The following CDHR1 variants were observed in gnomAD, a reference collection of about 807,000 sequenced individuals.
CDHR1 encodes the protein cadherin related family member 1.
CDHR1 carries 61 observed loss-of-function variants against 72.1 expected under a neutral mutation model. That is an observed-to-expected ratio of 0.85 (90% CI 0.69 to 1.05). The LOEUF is 1.05. Ranked by LOEUF, CDHR1 falls within the 50% of genes least tolerant of loss-of-function variation. CDHR1 has a pLI of 0.00. For synonymous variants in CDHR1, 470 were observed against 448.1 expected, an observed-to-expected ratio of 1.05 and a Z score of -0.62; for missense variants, 1,186 against 1,115.7, an observed-to-expected ratio of 1.06 and a Z score of -0.90.
In CDHR1 at chr10:84,194,721, G is replaced by C; in HGVS notation, c.-40G>C. ...GGCATGCTCCGTGCCCCTGCGCCCG[G>C]TCTCGGCGGCGGCAGGCGACACTCC... is the stretch of plus-strand genomic sequence containing the variant. On this transcript the variant is annotated 5_prime_UTR_variant, in exon 1 of 17. Transcript: ENST00000623527. The C allele has an allele frequency of 6.9e-7, 1 of 1,457,844 alleles. No homozygotes were observed. Among genetic ancestry groups the C allele is most frequent in the South Asian group, 1.4e-5 (1 of 72,058 alleles). 90.3% of individuals were successfully genotyped at this position (1,457,844 alleles called of 1,614,324 possible). A position where few individuals can be genotyped will look rare whatever the true frequency, so the allele number is the denominator to read the frequency against.
intron 4 of CDHR1, among the ~76,000 whole-genome samples, chr10:84,198,791 G>A (rs1027290874): frequency 6.6e-6 from 1 of 152,188 alleles, no homozygotes; most frequent in Non-Finnish European, 1.5e-5. Context: ...CAGCCACCAT[G>A]ACTACTGCAA....
intron 10 of CDHR1, among the ~76,000 whole-genome samples, chr10:84,207,645 C>A (rs959790640): frequency 1.3e-5 from 2 of 152,116 alleles, no homozygotes; most frequent in African/African-American, 4.8e-5. Context: ...AACTAATTAC[C>A]CCAAACTTAG....
chr10:84,205,288 G>A (rs113605335), intron 9 of CDHR1, among the ~76,000 whole-genome samples: 2 of 152,030 alleles, frequency 1.3e-5, no homozygotes, highest in African/African-American at 4.8e-5. Flanking sequence ...GCTCACATGT[G>A]GGCTGCCAGC....
Position 84,214,755 on chromosome 10 carries a change from C to T in CDHR1, c.*134C>T, listed in dbSNP as rs41291356. On this transcript the variant is annotated 3_prime_UTR_variant, in exon 17 of 17. Transcript: ENST00000623527. ...GCACAATGGTATAATCCCCACTGTC[C>T]TCATCTCTACCGCCACCTTCTGGCG... 92,229 of 1,563,632 alleles carry T rather than the reference C, an allele frequency of 0.059. 2,936 individuals are homozygous for T. Among genetic ancestry groups the T allele is most frequent in the Middle Eastern group, 0.076 (383 of 5,050 alleles).
At chr10:84,209,027 C>CA (rs1842282447) in intron 12 of CDHR1, 146 bp downstream of exon 12, 2 of 913,256 alleles carry the variant, frequency 2.2e-6, no homozygotes, top group Non-Finnish European at 3.4e-6. Flanking sequence ...GCCCCTCCTG[C>CA]AGATTGCTCA....
chr10:84,209,508 C>T (rs1170145298), intron 12 of CDHR1, among the ~76,000 whole-genome samples: 4 of 151,868 alleles, frequency 2.6e-5, no homozygotes, highest in African/African-American at 9.7e-5. Context: ...TACTATTTAA[C>T]ACAATTCCTG....
chr10:84,210,534 T>C (rs1354381191), intron 12 of CDHR1, among the ~76,000 whole-genome samples: 1 of 152,194 alleles, frequency 6.6e-6, no homozygotes, highest in Non-Finnish European at 1.5e-5. Context: ...CCCAAAGTGT[T>C]AGGATTACAG....
Position 84,214,586 on chromosome 10 carries a change from GAGA to G in CDHR1, c.2552_2554del (p.Lys851del), listed in dbSNP as rs150926842. On this transcript the variant is annotated inframe_deletion, in exon 17 of 17. Transcript: ENST00000623527. Reference sequence around the variant, plus strand: ...GATCTCTGAGCTCAAGCAAAAGTTTGAGAAGAAGAGTGTGCACAACAAGGCTTA... The same window carrying G: ...GATCTCTGAGCTCAAGCAAAAGTTTGAGAAGAGTGTGCACAACAAGGCTTA... 803 of 1,600,132 alleles carry G rather than the reference GAGA, an allele frequency of 5.0e-4. 2 individuals are homozygous for G. The African/African-American group carries it at 7.6e-3, about 15-fold the overall frequency.
intron 6 of CDHR1, among the ~76,000 whole-genome samples, chr10:84,201,096 G>A (rs77229357): frequency 0.013 from 2,044 of 152,250 alleles, 64 homozygotes; most frequent in East Asian, 0.13. Flanking sequence ...TGGACTGCAC[G>A]GGTGCTGGAG....
chr10:84,196,765 G>A lies in CDHR1; in HGVS notation c.297+115G>A. Reference sequence around the variant, plus strand: ...CCTCTCCACAGAGTAGGGGATGAGGGGGCACACCCCAGGCACATCCACTCT... The same window carrying A: ...CCTCTCCACAGAGTAGGGGATGAGGAGGCACACCCCAGGCACATCCACTCT... On this transcript the variant is annotated intron_variant, in intron 3 of 16. Transcript: ENST00000623527. 3.3e-6 allele frequency: 4 copies of A among 1,225,216 alleles called. No homozygotes were observed. In the South Asian group the frequency reaches 3.6e-5, roughly 11 times the overall value. 75.9% of individuals were successfully genotyped at this position (1,225,216 alleles called of 1,614,324 possible).
intron 3 of CDHR1, among the ~76,000 whole-genome samples, chr10:84,197,425 G>A (rs1842048145): frequency 1.3e-5 from 2 of 152,140 alleles, no homozygotes; most frequent in Admixed American, 6.5e-5. Flanking sequence ...GAGAGAAAAG[G>A]GGAGAAAAGG....
chr10:84,208,789 C>T lies in CDHR1; in HGVS notation c.1228C>T (p.Pro410Ser), dbSNP rs1024916404. Residue 410 changes from proline to serine, a missense_variant, in exon 12 of 17, where the codon CCA becomes TCA. Pro to Ser is a moderately conservative substitution (Grantham distance 74). Transcript: ENST00000623527. ...ACCCAGGGGCATCTTCCGAGTGGTTCCACAGACAGTCCTGAATGAAGCCCA... is the reference window on the plus strand; with the variant it reads ...ACCCAGGGGCATCTTCCGAGTGGTTTCACAGACAGTCCTGAATGAAGCCCA... Reference protein sequence around the residue: ...VGPRGIFRVVPQTVLNEAQVT... With the variant: ...VGPRGIFRVVSQTVLNEAQVT... 1 of 1,614,206 alleles carries T rather than the reference C, an allele frequency of 6.2e-7. No homozygotes were observed. The highest frequency in any genetic ancestry group is 8.5e-7 in the Non-Finnish European group (1 of 1,180,034).
In CDHR1 at chr10:84,196,661, G is replaced by T; in HGVS notation, c.297+11G>T. 6.2e-7 allele frequency: 1 copy of T among 1,614,192 alleles called. No homozygotes were observed. The highest frequency in any genetic ancestry group is 8.5e-7 in the Non-Finnish European group (1 of 1,180,022). Reference sequence around the variant, plus strand: ...GAGCTGGACAGAGAGGTATGGGGAGGTGTGGGGAGTGCTGCGGGGCCACTG... The same window carrying T: ...GAGCTGGACAGAGAGGTATGGGGAGTTGTGGGGAGTGCTGCGGGGCCACTG... On this transcript the variant is annotated intron_variant, in intron 3 of 16. Coordinates refer to ENST00000623527, the MANE Select transcript of CDHR1 (RefSeq NM_033100.4).
chr10:84,208,860 G>A lies in CDHR1; in HGVS notation c.1299G>A (p.Lys433=). The A allele has an allele frequency of 6.2e-7, 1 of 1,614,096 alleles. No homozygotes were observed. The highest frequency in any genetic ancestry group is 1.1e-5 in the South Asian group (1 of 91,062). The stretch of plus-strand genomic sequence containing the variant: ...ACTCAGCTGCCATTGACTTTGAAAA[G>A]TCCAAAGTATTAACCTTCAAGGTAG... ...VENSAAIDFE[K]SKVLTFKLLA... is the part of the protein sequence containing the mutation. The change falls in exon 12 of 17, where the codon AAG becomes AAA. Residue 433 remains lysine (K), a synonymous_variant. Coordinates refer to ENST00000623527, the MANE Select transcript of CDHR1 (RefSeq NM_033100.4).
In CDHR1 at chr10:84,211,114, T is replaced by G. The variant is rs1232710896; in HGVS notation, c.1434T>G (p.Val478=). 1.9e-6 allele frequency: 3 copies of G among 1,614,138 alleles called. No individual in the cohort carries two copies. Among genetic ancestry groups the G allele is most frequent in the Non-Finnish European group, 2.5e-6 (3 of 1,180,058 alleles). Residue 478 remains valine, a synonymous_variant, in exon 13 of 17, where the codon GTT becomes GTG. Transcript: ENST00000623527. The stretch of plus-strand genomic sequence containing the variant: ...CCAAGTTCGACTCCCTCTACTACGT[T>G]GCCAGGATTCCTGAGAACGCCCCAG... The part of the protein sequence containing the change: ...NVPKFDSLYY[V]ARIPENAPGG...
chr10:84,214,384 C>G lies in CDHR1; in HGVS notation c.2343C>G (p.Asn781Lys). 6.2e-7 allele frequency: 1 copy of G among 1,614,106 alleles called. No homozygotes were observed. The highest frequency in any genetic ancestry group is 8.5e-7 in the Non-Finnish European group (1 of 1,180,040). The change falls in exon 17 of 17, where the codon AAC becomes AAG. Residue 781 changes from asparagine to lysine, a missense_variant. Physicochemically the swap from Asn to Lys is moderately conservative, Grantham distance 94. Coordinates refer to ENST00000623527, the MANE Select transcript of CDHR1 (RefSeq NM_033100.4). ...CTCCCAATGAGAACTGTAACAACAA[C>G]AGCCCAGAAAGCTCTCTGCTCCCGA... ...EKPPNENCNN[N>K]SPESSLLPRA...
rs144986526 is a variant in CDHR1 at position 84,200,522 on chromosome 10, C to A, written c.439-79C>A. ...GACACTTCACTCCCCGACCCCACTG[C>A]TGCATGCCCCTATGCCTCTGTCCCC... is the stretch of plus-strand genomic sequence containing the variant. On this transcript the variant is annotated intron_variant, in intron 5 of 16. Transcript: ENST00000623527. 6.5e-5 allele frequency: 61 copies of A among 933,170 alleles called. No individual in the cohort carries two copies. The East Asian group carries it at 1.5e-3, about 23-fold the overall frequency. 57.8% of individuals were successfully genotyped at this position (933,170 alleles called of 1,614,324 possible).
rs1218562841 is a variant in CDHR1 at position 84,216,306 on chromosome 10, G to T, written c.*1685G>T. 1.0e-6 allele frequency: 1 copy of T among 985,368 alleles called. No individual in the cohort carries two copies. The highest frequency in any genetic ancestry group is 1.7e-5 in the African/African-American group (1 of 57,242). 61.0% of individuals were successfully genotyped at this position (985,368 alleles called of 1,614,324 possible). A position where few individuals can be genotyped will look rare whatever the true frequency, so the allele number is the denominator to read the frequency against. ...AGATGTGCCAGTGTGCAGAATCCTT[G>T]CTGGGGTTTCTACAGTCCCCAACGT... On this transcript the variant is annotated 3_prime_UTR_variant, in exon 17 of 17. Coordinates refer to ENST00000623527, the MANE Select transcript of CDHR1 (RefSeq NM_033100.4).
At position 84,213,238 on chromosome 10, in the gene CDHR1, A is replaced by G. The variant is rs1842369565; in HGVS notation, c.1930A>G (p.Ile644Val). 6.2e-7 allele frequency: 1 copy of G among 1,614,080 alleles called. No homozygotes were observed. The highest frequency in any genetic ancestry group is 1.3e-5 in the African/African-American group (1 of 74,914). ...SIRSLDALHN[I>V]TPGRDCLWSL... ...CCGCTCCCTGGATGCCCTGCACAAC[A>G]TCACACCTGGAAGGGACTGCCTATG... Residue 644 changes from isoleucine (I) to valine (V), a missense_variant, in exon 16 of 17, where the codon ATC becomes GTC. Transcript: ENST00000623527.
Sources: allele counts gnomAD v4.1 joint callset (sites outside exome capture counted in the v4.1 genomes callset), GRCh38; gene constraint gnomAD v4.1.1; transcripts MANE v1.5; gene names NCBI Gene and HGNC (gene_info 2026-07-23, HGNC 2026-07-21).